VAC14: variants seen among roughly 807,000 people sequenced by gnomAD.
The protein encoded by VAC14 is VAC14 component of PIKFYVE complex.
In VAC14, 47 loss-of-function variants were observed where a neutral mutation model predicts 85.3. The ratio of observed to expected loss-of-function variants is 0.55; its 90% CI spans 0.44 to 0.70. VAC14 has a LOEUF of 0.70. VAC14 is among the 30% of genes least tolerant of loss of function. VAC14 has a pLI of 0.00. For missense variants in VAC14, 861 were observed against 1,004.3 expected (o/e 0.86, Z 1.93); for synonymous variants, 447 against 430.5 (o/e 1.04, Z -0.47).
At chr16:70,749,563 C>T (rs1171114279) in intron 12 of VAC14, among the ~76,000 whole-genome samples, 9 of 152,366 alleles carry the variant, frequency 5.9e-5, no homozygotes, top group South Asian at 2.1e-4. Flanking sequence ...TGCGCTTGTG[C>T]GCACAGACAC....
intron 17 of VAC14, 102 bp downstream of exon 17, chr16:70,695,442 C>T: frequency 8.2e-7 from 1 of 1,218,094 alleles, no homozygotes; most frequent in Non-Finnish European, 1.2e-6. Context: ...GCTCTTCCTC[C>T]CTCCCCAGCC....
chr16:70,702,250 G>C (rs2053843085), intron 14 of VAC14, among the ~76,000 whole-genome samples: 1 of 152,236 alleles, frequency 6.6e-6, no homozygotes, highest in African/African-American at 2.4e-5. Flanking sequence ...GCCCTGCCCA[G>C]ATCTTGCACT....
intron 14 of VAC14, among the ~76,000 whole-genome samples, chr16:70,723,493 G>A (rs1294855682): frequency 6.6e-6 from 1 of 152,186 alleles, no homozygotes; most frequent in Non-Finnish European, 1.5e-5. Flanking sequence ...ACCACATTAT[G>A]GTACACATTA....
chr16:70,734,204 T>C (rs528967279), intron 13 of VAC14, among the ~76,000 whole-genome samples: 1 of 151,974 alleles, frequency 6.6e-6, no homozygotes, highest in South Asian at 2.1e-4. Context: ...ACTGAAGTGA[T>C]TACAGTTCAC....
Position 70,721,795 on chromosome 16 carries a change from G to A in VAC14, c.1661+9700C>T, listed in dbSNP as rs370708340. On this transcript the variant is annotated intron_variant, in intron 14 of 18. Coordinates refer to ENST00000261776, the MANE Select transcript of VAC14 (RefSeq NM_018052.5). ...GATCTGGCGCTGCTCTGCAGACAGG[G>A]TTAGGTGAATCCCATGGTGCCAGTC... is the stretch of plus-strand genomic sequence containing the variant. Among the ~76,000 whole-genome samples, 42 of 152,274 alleles carry A rather than the reference G, an allele frequency of 2.8e-4. No individual in the cohort carries two copies. The South Asian group carries it at 8.5e-3, about 31-fold the overall frequency.
intron 1 of VAC14, among the ~76,000 whole-genome samples, chr16:70,787,926 G>C (rs2034144852): frequency 6.6e-6 from 1 of 152,246 alleles, no homozygotes; most frequent in Admixed American, 6.5e-5. Context: ...CTTGTGAAAT[G>C]AGGACAGGAA....
intron 17 of VAC14, among the ~76,000 whole-genome samples, chr16:70,693,601 G>A (rs961580559): frequency 1.3e-5 from 2 of 152,214 alleles, no homozygotes; most frequent in Non-Finnish European, 2.9e-5. Context: ...TGCACCCGGG[G>A]GGCTGCCCAG....
intron 1 of VAC14, among the ~76,000 whole-genome samples, chr16:70,791,453 C>T (rs990536416): frequency 2.0e-5 from 3 of 152,090 alleles, no homozygotes; most frequent in African/African-American, 7.2e-5. Flanking sequence ...GGTGCGATCT[C>T]GGCTCACTGC....
At chr16:70,741,586 A>G (rs1006621852) in intron 13 of VAC14, among the ~76,000 whole-genome samples, 2 of 152,132 alleles carry the variant, frequency 1.3e-5, no homozygotes, top group African/African-American at 4.8e-5. Context: ...TGGCCCAGAG[A>G]GTTGTGGATT....
At chr16:70,689,871 C>G in intron 18 of VAC14, 2 of 985,522 alleles carry the variant, frequency 2.0e-6, no homozygotes, top group Non-Finnish European at 2.4e-6. Flanking sequence ...GCTTGGACTT[C>G]TAAGGAGGCC....
At chr16:70,725,633 TC>T (rs1427156216) in intron 14 of VAC14, among the ~76,000 whole-genome samples, 2 of 152,008 alleles carry the variant, frequency 1.3e-5, no homozygotes, top group African/African-American at 4.8e-5. Flanking sequence ...GAGCATTTGC[TC>T]AGCTGGACAG....
intron 10 of VAC14, 126 bp from the exon 11 acceptor site, chr16:70,763,151 CG>C (rs1176215928): frequency 1.4e-6 from 2 of 1,390,672 alleles, no homozygotes; most frequent in Admixed American, 2.1e-5. Flanking sequence ...CTAGGGGGAT[CG>C]GGGGTCAGGG....
At position 70,693,102 on chromosome 16, in the gene VAC14, A is replaced by C. The variant is rs1567519011; in HGVS notation, c.2036-131T>G. On this transcript the variant is annotated intron_variant, in intron 17 of 18. Coordinates refer to ENST00000261776, the MANE Select transcript of VAC14 (RefSeq NM_018052.5). ...CATGGCACCCACAGCCCAAGGACCCAGCTGTGTGGACCCAGCCAGGTGGCT... is the reference window on the plus strand; with the variant it reads ...CATGGCACCCACAGCCCAAGGACCCCGCTGTGTGGACCCAGCCAGGTGGCT... The C allele has an allele frequency of 3.2e-6, 4 of 1,265,956 alleles. 1 individual carries two copies. In the South Asian group the frequency reaches 6.3e-5, roughly 20 times the overall value. 78.4% of individuals were successfully genotyped at this position (1,265,956 alleles called of 1,614,324 possible). A position where few individuals can be genotyped will look rare whatever the true frequency, so the allele number is the denominator to read the frequency against.
chr16:70,738,075 A>G (rs948768100), intron 13 of VAC14, among the ~76,000 whole-genome samples: 2 of 152,230 alleles, frequency 1.3e-5, no homozygotes, highest in Non-Finnish European at 2.9e-5. Context: ...GCAGGGCTAA[A>G]GAGCATCAAG....
At chr16:70,742,001 C>T (rs1172305672) in intron 13 of VAC14, among the ~76,000 whole-genome samples, 1 of 152,326 alleles carries the variant, frequency 6.6e-6, no homozygotes, top group Non-Finnish European at 1.5e-5. Context: ...AGGCTGCCCT[C>T]GGCAGTCTCC....
chr16:70,690,125 T>C (rs2053570727), intron 18 of VAC14: 4 of 985,510 alleles, frequency 4.1e-6, no homozygotes, highest in South Asian at 9.4e-5. Context: ...GGCGTCGGTG[T>C]GGCAGGGTTG....
chr16:70,718,894 C>T (rs1321584038), intron 14 of VAC14, among the ~76,000 whole-genome samples: 1 of 151,914 alleles, frequency 6.6e-6, no homozygotes, highest in Non-Finnish European at 1.5e-5. Flanking sequence ...TGGCTGACCT[C>T]AAACAAAGAC....
chr16:70,764,400 G>A (rs1004747209), intron 10 of VAC14, among the ~76,000 whole-genome samples: 4 of 152,148 alleles, frequency 2.6e-5, no homozygotes, highest in Admixed American at 6.5e-5. Flanking sequence ...TGTCTTCTGA[G>A]GATATCGAAA....
At chr16:70,792,896 C>T (rs147313781) in intron 1 of VAC14, among the ~76,000 whole-genome samples, 1,578 of 152,338 alleles carry the variant, frequency 0.01, 17 homozygotes, top group Non-Finnish European at 0.014. Flanking sequence ...GACGATACCT[C>T]CTGCTGTAGC....
Sources: gnomAD v4.1 joint callset for allele counts (sites outside exome capture counted in the v4.1 genomes callset) on GRCh38, gnomAD v4.1.1 for gene constraint, MANE v1.5 for transcripts, NCBI Gene and HGNC (gene_info 2026-07-23, HGNC 2026-07-21) for gene names.